CASQ2: variants seen among roughly 807,000 people sequenced by gnomAD.
CASQ2 encodes calsequestrin-2.
Under a neutral mutation model 46.5 loss-of-function variants are expected in CASQ2, and 49 were observed. That is an observed-to-expected ratio of 1.05 (90% confidence interval 0.84 to 1.34). The LOEUF is 1.34. CASQ2 is among the 40% of genes most tolerant of loss of function. CASQ2 has a pLI of 0.00. For synonymous variants in CASQ2, 174 were observed against 168.5 expected, an observed-to-expected ratio of 1.03 and a Z score of -0.25; for missense variants, 486 against 481.3, an observed-to-expected ratio of 1.01 and a Z score of -0.09.
At chr1:115,725,140 C>A (rs1017999019) in intron 7 of CASQ2, among the ~76,000 whole-genome samples, 1 of 152,112 alleles carries the variant, frequency 6.6e-6, no homozygotes, top group Non-Finnish European at 1.5e-5. Context: ...GATCACAGCT[C>A]ATTGCAGACT....
At chr1:115,748,210 T>G (rs1485373529) in intron 1 of CASQ2, among the ~76,000 whole-genome samples, 3 of 152,224 alleles carry the variant, frequency 2.0e-5, no homozygotes, top group Non-Finnish European at 2.9e-5. Flanking sequence ...TTCTTTTCTA[T>G]GTTTGTTTCT....
At chr1:115,734,594 T>C (rs1647894680) in intron 4 of CASQ2, among the ~76,000 whole-genome samples, 1 of 152,198 alleles carries the variant, frequency 6.6e-6, no homozygotes, top group South Asian at 2.1e-4. Context: ...TCTCTAGGCT[T>C]TCCCTGCCTC....
intron 8 of CASQ2, among the ~76,000 whole-genome samples, chr1:115,713,803 T>A (rs370915833): frequency 2.0e-5 from 3 of 152,192 alleles, no homozygotes; most frequent in African/African-American, 7.2e-5. Context: ...TGGGGCATTG[T>A]TTGGAGTTGG....
rs555598609 is a variant in CASQ2 at position 115,713,062 on chromosome 1, G to A, written c.838+4778C>T. Among the ~76,000 whole-genome samples, 3 of 152,180 alleles carry A rather than the reference G, an allele frequency of 2.0e-5. 1 individual carries two copies. Among genetic ancestry groups the A allele is most frequent in the East Asian group, 1.9e-4 (1 of 5,168 alleles). On this transcript the variant is annotated intron_variant, in intron 8 of 10. Coordinates refer to ENST00000261448, the MANE Select transcript of CASQ2 (RefSeq NM_001232.4). The stretch of plus-strand genomic sequence containing the variant: ...GGGCCTGTCACTAATTCTGTTCCAC[G>A]TGTGCAGACAGCAGCCTTTCCTTGC...
At chr1:115,756,642 G>A (rs969759514) in intron 1 of CASQ2, among the ~76,000 whole-genome samples, 11 of 152,076 alleles carry the variant, frequency 7.2e-5, no homozygotes, top group East Asian at 3.9e-4. Flanking sequence ...TCACGTCCCC[G>A]TTTTAAAATT....
At chr1:115,738,901 CT>C (rs1170508669) in intron 3 of CASQ2, among the ~76,000 whole-genome samples, 1 of 151,372 alleles carries the variant, frequency 6.6e-6, no homozygotes, top group Admixed American at 6.6e-5. Flanking sequence ...CCCCATCCTG[CT>C]TTTGGCAACT....
chr1:115,715,035 C>T (rs1307715275), intron 8 of CASQ2, among the ~76,000 whole-genome samples: 1 of 152,258 alleles, frequency 6.6e-6, no homozygotes, highest in African/African-American at 2.4e-5. Flanking sequence ...GCCAGACAGG[C>T]TTCCCCACAA....
intron 4 of CASQ2, 76 bp from the exon 5 acceptor site, chr1:115,733,050 A>G (rs1300553511): frequency 2.8e-6 from 3 of 1,053,954 alleles, no homozygotes; most frequent in East Asian, 2.4e-5. Context: ...TAAATGGTGT[A>G]GAGAGTAGAA....
intron 1 of CASQ2, among the ~76,000 whole-genome samples, chr1:115,746,687 G>T (rs951045533): frequency 6.6e-6 from 1 of 151,964 alleles, no homozygotes; most frequent in Non-Finnish European, 1.5e-5. Flanking sequence ...TTGCTTTTTG[G>T]CTGTTGAATT....
chr1:115,743,291 A>G (rs1439605260), intron 2 of CASQ2, among the ~76,000 whole-genome samples: 6 of 151,976 alleles, frequency 3.9e-5, no homozygotes, highest in Admixed American at 3.3e-4. Flanking sequence ...GCTGTAGTGC[A>G]GTGGCACAAT....
At chr1:115,708,876 G>A (rs549505162) in intron 8 of CASQ2, among the ~76,000 whole-genome samples, 1 of 152,322 alleles carries the variant, frequency 6.6e-6, no homozygotes, top group East Asian at 1.9e-4. Flanking sequence ...TGTACAGCGT[G>A]GGGCAGCTCC....
At chr1:115,721,937 G>A (rs1317155571) in intron 7 of CASQ2, among the ~76,000 whole-genome samples, 2 of 152,178 alleles carry the variant, frequency 1.3e-5, no homozygotes, top group Non-Finnish European at 2.9e-5. Flanking sequence ...AGTTGCTGTG[G>A]CCACGTGGCC....
intron 1 of CASQ2, among the ~76,000 whole-genome samples, chr1:115,748,145 T>C (rs1648450943): frequency 6.6e-6 from 1 of 152,216 alleles, no homozygotes; most frequent in South Asian, 2.1e-4. Context: ...GTCTTCTTGA[T>C]GGTTTGACCC....
At chr1:115,733,302 T>C (rs1448783372) in intron 4 of CASQ2, among the ~76,000 whole-genome samples, 2 of 152,120 alleles carry the variant, frequency 1.3e-5, no homozygotes, top group Admixed American at 6.6e-5. Flanking sequence ...AAAAAGACCT[T>C]TCATTCTAAC....
chr1:115,762,224 T>C (rs1648988114), intron 1 of CASQ2, among the ~76,000 whole-genome samples: 1 of 152,228 alleles, frequency 6.6e-6, no homozygotes, highest in South Asian at 2.1e-4. Flanking sequence ...TATTTCACCC[T>C]AAATGAATGA....
intron 1 of CASQ2, among the ~76,000 whole-genome samples, chr1:115,761,497 GAGAAGAAGA>G (rs1342542608): frequency 5.3e-5 from 1 of 18,960 alleles, no homozygotes; most frequent in African/African-American, 2.8e-4. Context: ...GGAGAAGAAG[GAGAAGAAGA>G]AGAAGAAGAA....
intron 1 of CASQ2, among the ~76,000 whole-genome samples, chr1:115,749,184 A>T (rs1168560346): frequency 6.6e-6 from 1 of 152,190 alleles, no homozygotes; most frequent in Non-Finnish European, 1.5e-5. Context: ...AGTAAGAATA[A>T]CCAATGACAT....
At chr1:115,753,482 A>G (rs540113479) in intron 1 of CASQ2, among the ~76,000 whole-genome samples, 1 of 133,510 alleles carries the variant, frequency 7.5e-6, no homozygotes, top group South Asian at 2.8e-4. Context: ...GTGACCTTTT[A>G]GAGAAGAGCT....
intron 4 of CASQ2, 39 bp from the exon 5 acceptor site, chr1:115,733,013 A>C: frequency 7.1e-7 from 1 of 1,402,210 alleles, no homozygotes; most frequent in South Asian, 1.2e-5. Context: ...AGACATTTTC[A>C]AGATGAACAC....
Sources: allele counts gnomAD v4.1 joint callset (sites outside exome capture counted in the v4.1 genomes callset), GRCh38; gene constraint gnomAD v4.1.1; transcripts MANE v1.5; gene names NCBI Gene and HGNC (gene_info 2026-07-23, HGNC 2026-07-21).